ARHGAP18: variants seen among roughly 807,000 people sequenced by gnomAD.
ARHGAP18 encodes Rho GTPase activating protein 18, also known as rho GTPase-activating protein 18.
Under a neutral mutation model 86.2 loss-of-function variants are expected in ARHGAP18, and 67 were observed. The ratio of observed to expected loss-of-function variants is 0.78; its 90% CI spans 0.64 to 0.95. The LOEUF is 0.95. ARHGAP18 is among the 40% of genes least tolerant of loss of function. The pLI, the probability that ARHGAP18 is intolerant of heterozygous loss-of-function variation, is 0.00. For missense variants in ARHGAP18, 691 were observed against 780.4 expected (o/e 0.89, Z 1.37); for synonymous variants, 283 against 280.4 (o/e 1.01, Z -0.09).
chr6:129,641,740 T>C, intron 2 of ARHGAP18, 76 bp downstream of exon 2: 1 of 1,332,686 alleles, frequency 7.5e-7, no homozygotes, highest in Non-Finnish European at 1.0e-6. Context: ...TTTTTTTTTG[T>C]TCTCTTCCTT....
At chr6:129,623,437 C>A (rs370503783) in intron 5 of ARHGAP18, among the ~76,000 whole-genome samples, 10 of 152,166 alleles carry the variant, frequency 6.6e-5, no homozygotes, top group East Asian at 3.9e-4. Flanking sequence ...GTTATAAAAC[C>A]TGATCTCCAA....
chr6:129,685,731 A>T (rs1239843788), intron 1 of ARHGAP18, among the ~76,000 whole-genome samples: 3 of 151,216 alleles, frequency 2.0e-5, no homozygotes, highest in African/African-American at 7.3e-5. Flanking sequence ...TTTTTTCCAT[A>T]TTCAAAAATA....
chr6:129,683,055 CTTTT>C (rs199633610), intron 1 of ARHGAP18, among the ~76,000 whole-genome samples: 13 of 139,094 alleles, frequency 9.3e-5, no homozygotes, highest in African/African-American at 3.2e-4. Flanking sequence ...TTTGTTTTTT[CTTTT>C]TTTTTTTTTG....
intron 11 of ARHGAP18, among the ~76,000 whole-genome samples, chr6:129,600,342 G>C (rs1021262710): frequency 2.0e-5 from 3 of 151,910 alleles, no homozygotes; most frequent in African/African-American, 7.3e-5. Flanking sequence ...TTCAATAAAG[G>C]GTCTATGAAA....
chr6:129,642,118 T>A, intron 1 of ARHGAP18, 100 bp from the exon 2 acceptor site: 1 of 1,007,780 alleles, frequency 9.9e-7, no homozygotes, highest in East Asian at 2.4e-5. Flanking sequence ...ATTAACTCCT[T>A]AAGTTATCCT....
chr6:129,652,926 T>G (rs371087042), intron 1 of ARHGAP18, among the ~76,000 whole-genome samples: 1 of 152,248 alleles, frequency 6.6e-6, no homozygotes, highest in South Asian at 2.1e-4. Flanking sequence ...TTATTTCCTA[T>G]AGCAAATATA....
intron 12 of ARHGAP18, among the ~76,000 whole-genome samples, chr6:129,597,730 G>GA (rs35896143): frequency 0.13 from 18,286 of 143,612 alleles, 1,187 homozygotes; most frequent in Admixed American, 0.18. Flanking sequence ...CATAAGGAAA[G>GA]AAAAAAAAAA....
intron 1 of ARHGAP18, among the ~76,000 whole-genome samples, chr6:129,699,704 T>C (rs1451611125): frequency 6.6e-6 from 1 of 152,234 alleles, no homozygotes; most frequent in African/African-American, 2.4e-5. Flanking sequence ...TCTAATTGCA[T>C]ACAGCTCTAT....
At chr6:129,618,126 C>A (rs909192212) in intron 6 of ARHGAP18, among the ~76,000 whole-genome samples, 39 of 149,842 alleles carry the variant, frequency 2.6e-4, no homozygotes, top group African/African-American at 6.4e-4. Flanking sequence ...AAAAAAAAAA[C>A]CACTCCATAT....
chr6:129,641,457 C>G (rs1773462747), intron 2 of ARHGAP18, among the ~76,000 whole-genome samples: 1 of 152,222 alleles, frequency 6.6e-6, no homozygotes, highest in African/African-American at 2.4e-5. Flanking sequence ...AAGCAGTGCT[C>G]TATCACCATC....
At chr6:129,649,025 G>A (rs1773644463) in intron 1 of ARHGAP18, among the ~76,000 whole-genome samples, 1 of 152,132 alleles carries the variant, frequency 6.6e-6, no homozygotes, top group Non-Finnish European at 1.5e-5. Flanking sequence ...AATGCCTGAA[G>A]GCAGTAAGAA....
chr6:129,660,085 T>C (rs929323399), intron 1 of ARHGAP18, among the ~76,000 whole-genome samples: 2 of 151,632 alleles, frequency 1.3e-5, no homozygotes, highest in African/African-American at 4.9e-5. Flanking sequence ...AGATAGGGGG[T>C]TGGGGTTGGA....
At chr6:129,645,013 A>AT (rs200646358) in intron 1 of ARHGAP18, among the ~76,000 whole-genome samples, 1,712 of 151,302 alleles carry the variant, frequency 0.011, 24 homozygotes, top group African/African-American at 0.036. Context: ...TTTTGTCTGT[A>AT]TTTTTTTTTG....
At chr6:129,588,488 A>G (rs1788445170) in intron 12 of ARHGAP18, among the ~76,000 whole-genome samples, 1 of 152,218 alleles carries the variant, frequency 6.6e-6, no homozygotes, top group African/African-American at 2.4e-5. Flanking sequence ...CTGATACAAG[A>G]GGTAGGCTCT....
chr6:129,642,053 T>A (rs922298670), intron 1 of ARHGAP18, 35 bp from the exon 2 acceptor site: 1 of 1,584,146 alleles, frequency 6.3e-7, no homozygotes, highest in African/African-American at 1.4e-5. Context: ...TTTATTTTAG[T>A]ACAAAAGGAA....
At chr6:129,586,546 C>T (rs1312258339) in intron 12 of ARHGAP18, among the ~76,000 whole-genome samples, 1 of 152,060 alleles carries the variant, frequency 6.6e-6, no homozygotes, top group Non-Finnish European at 1.5e-5. Context: ...TCCTTATATA[C>T]AGGTTTATCA....
chr6:129,622,773 G>A (rs1789256249), intron 5 of ARHGAP18, among the ~76,000 whole-genome samples: 1 of 152,046 alleles, frequency 6.6e-6, no homozygotes, highest in African/African-American at 2.4e-5. Context: ...GACTGAGGCA[G>A]GTAGATCACC....
chr6:129,710,162 C>T lies in ARHGAP18; in HGVS notation c.-26G>A, dbSNP rs572164177. 3 of 1,553,498 alleles carry T rather than the reference C, an allele frequency of 1.9e-6. No homozygotes were observed. Among genetic ancestry groups the T allele is most frequent in the Non-Finnish European group, 2.7e-6 (3 of 1,127,230 alleles). ...GGTGAGAGAAGGGACATACTTTCTG[C>T]GATCCTGACACAGAGAAGGGGAAAG... On this transcript the variant is annotated 5_prime_UTR_variant, in exon 1 of 15. Transcript: ENST00000368149.
At chr6:129,640,332 T>A (rs1773429420) in intron 2 of ARHGAP18, among the ~76,000 whole-genome samples, 1 of 152,202 alleles carries the variant, frequency 6.6e-6, no homozygotes, top group African/African-American at 2.4e-5. Flanking sequence ...TAATTAGTGT[T>A]GGAGACTTAT....
Sources: allele counts gnomAD v4.1 joint callset (sites outside exome capture counted in the v4.1 genomes callset), GRCh38; gene constraint gnomAD v4.1.1; transcripts MANE v1.5; gene names NCBI Gene and HGNC (gene_info 2026-07-23, HGNC 2026-07-21).